B3GLCT: variants seen among roughly 807,000 people sequenced by gnomAD.
B3GLCT encodes the protein beta 3-glucosyltransferase.
A neutral mutation model predicts 63.4 loss-of-function variants in B3GLCT; 65 were observed. The observed-to-expected ratio is 1.03, with a 90% CI of 0.84 to 1.26. The LOEUF is 1.26. Ranked by LOEUF, B3GLCT falls within the 50% of genes most tolerant of loss-of-function variation. B3GLCT has a pLI of 0.00. For missense variants in B3GLCT, 577 were observed against 604.8 expected, an observed-to-expected ratio of 0.95 and a Z score of 0.48; for synonymous variants, 233 against 219.2, an observed-to-expected ratio of 1.06 and a Z score of -0.55.
chr13:31,281,358 G>GT (rs1281964473), intron 10 of B3GLCT, among the ~76,000 whole-genome samples: 1 of 152,122 alleles, frequency 6.6e-6, no homozygotes, highest in Non-Finnish European at 1.5e-5. Flanking sequence ...CAAACTGATT[G>GT]AAAGGGGTGT....
intron 6 of B3GLCT, among the ~76,000 whole-genome samples, chr13:31,250,294 C>T (rs182447325): frequency 1.2e-3 from 182 of 152,304 alleles, no homozygotes; most frequent in African/African-American, 4.3e-3. Context: ...GTGCCTCAGC[C>T]TCCCAAGTAG....
chr13:31,284,899 T>C (rs1190924825), intron 11 of B3GLCT, 138 bp downstream of exon 11: 1 of 667,688 alleles, frequency 1.5e-6, no homozygotes, highest in Non-Finnish European at 2.7e-6. Context: ...TTCTCTCAGA[T>C]ACTGATTGGT....
intron 1 of B3GLCT, among the ~76,000 whole-genome samples, chr13:31,213,704 TAAAC>T (rs905048384): frequency 6.0e-5 from 8 of 134,312 alleles, no homozygotes; most frequent in Admixed American, 8.9e-5. Flanking sequence ...AGATAAGTGA[TAAAC>T]AAATATATAT....
chr13:31,252,651 A>G (rs1871489257), intron 6 of B3GLCT, among the ~76,000 whole-genome samples: 1 of 152,234 alleles, frequency 6.6e-6, no homozygotes, highest in Admixed American at 6.5e-5. Flanking sequence ...AGGGATCAAC[A>G]CAACAAGAAG....
At chr13:31,282,157 T>A (rs927275865) in intron 10 of B3GLCT, among the ~76,000 whole-genome samples, 1 of 152,236 alleles carries the variant, frequency 6.6e-6, no homozygotes, top group Admixed American at 6.5e-5. Context: ...TTAGTATCTT[T>A]AGGAATACAG....
intron 12 of B3GLCT, among the ~76,000 whole-genome samples, chr13:31,304,213 CT>C (rs1306206614): frequency 5.4e-4 from 31 of 57,228 alleles, no homozygotes; most frequent in Admixed American, 9.7e-4. Flanking sequence ...GTACCAGCCG[CT>C]GCAAAATCAT....
At chr13:31,231,950 T>C (rs1870401731) in intron 4 of B3GLCT, among the ~76,000 whole-genome samples, 1 of 152,156 alleles carries the variant, frequency 6.6e-6, no homozygotes, top group Non-Finnish European at 1.5e-5. Context: ...TAAGCTGAAC[T>C]TGGCAGTTGT....
Position 31,319,669 on chromosome 13 carries a change from T to C in B3GLCT, c.1184+1984T>C, listed in dbSNP as rs143433720. 4.6e-5 allele frequency among the ~76,000 whole-genome samples: 7 copies of C among 152,272 alleles called. No individual in the cohort carries two copies. In the East Asian group the frequency reaches 1.2e-3, roughly 25 times the overall value. The stretch of plus-strand genomic sequence containing the variant: ...TAGTCCTCCTTCTCACCCTGTATTG[T>C]CCCTGGGTGATCTTATGGCTTGATG... On this transcript the variant is annotated intron_variant, in intron 13 of 14. Coordinates refer to ENST00000343307, the MANE Select transcript of B3GLCT (RefSeq NM_194318.4).
chr13:31,234,831 G>A (rs187186561), intron 4 of B3GLCT, among the ~76,000 whole-genome samples: 38 of 152,282 alleles, frequency 2.5e-4, no homozygotes, highest in African/African-American at 8.7e-4. Context: ...ACAGTTAAAA[G>A]TGCCCCTTGG....
intron 3 of B3GLCT, among the ~76,000 whole-genome samples, chr13:31,223,294 G>A (rs74815711): frequency 0.015 from 2,314 of 152,270 alleles, 24 homozygotes; most frequent in Non-Finnish European, 0.018. Context: ...TGGGCTCTCT[G>A]GGGGAATGCA....
chr13:31,292,699 CT>C lies in B3GLCT; in HGVS notation c.1064+5890del, dbSNP rs56038439. 1.2e-3 allele frequency among the ~76,000 whole-genome samples: 183 copies of C among 147,608 alleles called. 3 individuals carry two copies. Among genetic ancestry groups the C allele is most frequent in the East Asian group, 0.011 (56 of 5,070 alleles). On this transcript the variant is annotated intron_variant, in intron 12 of 14. Coordinates refer to ENST00000343307, the MANE Select transcript of B3GLCT (RefSeq NM_194318.4). ...TATAGTTTCTATTTTATTCTTCTCT[CT>C]TTTTTTTTTCTTTATTAGTCTAGCT...
intron 14 of B3GLCT, among the ~76,000 whole-genome samples, chr13:31,324,132 G>C (rs1875487171): frequency 2.0e-5 from 3 of 152,168 alleles, no homozygotes; most frequent in African/African-American, 7.2e-5. Flanking sequence ...GTTTGACCAG[G>C]ATCCTCGCCA....
At chr13:31,254,404 T>C (rs922570097) in intron 6 of B3GLCT, among the ~76,000 whole-genome samples, 1 of 151,068 alleles carries the variant, frequency 6.6e-6, no homozygotes, top group African/African-American at 2.4e-5. Context: ...CCATCACATA[T>C]ACAGAACCAC....
chr13:31,225,783 GTCC>G (rs1870069264), intron 3 of B3GLCT, among the ~76,000 whole-genome samples: 1 of 152,056 alleles, frequency 6.6e-6, no homozygotes, highest in Admixed American at 6.5e-5. Flanking sequence ...TCGGGACAGT[GTCC>G]TCCTTCCCTC....
At chr13:31,248,929 C>T (rs945931354) in intron 6 of B3GLCT, among the ~76,000 whole-genome samples, 5 of 152,146 alleles carry the variant, frequency 3.3e-5, no homozygotes, top group African/African-American at 9.7e-5. Flanking sequence ...AAGAGTAAAT[C>T]GAGCTCATTC....
intron 7 of B3GLCT, among the ~76,000 whole-genome samples, chr13:31,263,064 C>A (rs113803250): frequency 2.6e-5 from 4 of 152,162 alleles, no homozygotes; most frequent in Non-Finnish European, 4.4e-5. Context: ...AAGAGGAAAC[C>A]AGTGGGCCCA....
chr13:31,328,618 G>A (rs760542271), intron 14 of B3GLCT, among the ~76,000 whole-genome samples: 15 of 150,018 alleles, frequency 1.0e-4, no homozygotes, highest in Admixed American at 2.0e-4. Context: ...GCTTGAACCC[G>A]GGAGGCAGAG....
chr13:31,314,889 G>A (rs1477079623), intron 12 of B3GLCT, among the ~76,000 whole-genome samples: 6 of 152,150 alleles, frequency 3.9e-5, no homozygotes, highest in African/African-American at 1.4e-4. Flanking sequence ...GAATCCTGAG[G>A]GCTGGTCTTT....
At chr13:31,266,995 T>C (rs969466376) in intron 7 of B3GLCT, among the ~76,000 whole-genome samples, 1 of 152,116 alleles carries the variant, frequency 6.6e-6, no homozygotes, top group Non-Finnish European at 1.5e-5. Context: ...GGTCTTGAAC[T>C]CCTGACCTCA....
Sources: allele counts gnomAD v4.1 joint callset (sites outside exome capture counted in the v4.1 genomes callset), GRCh38; gene constraint gnomAD v4.1.1; transcripts MANE v1.5; gene names NCBI Gene and HGNC (gene_info 2026-07-23, HGNC 2026-07-21).